Variants in DSCAML1 observed in about 807,000 individuals in gnomAD.
DSCAML1 encodes DS cell adhesion molecule like 1, also known as cell adhesion molecule DSCAML1.
Under a neutral mutation model 200.5 loss-of-function variants are expected in DSCAML1, and 38 were observed. That is an observed-to-expected ratio of 0.19 (90% confidence interval 0.15 to 0.25). DSCAML1 has a LOEUF of 0.25. DSCAML1 is among the 10% of genes least tolerant of loss of function. The probability of loss-of-function intolerance (pLI) is 1.00; values close to 1 mark genes in which losing one functional copy is unlikely to be tolerated. For missense variants in DSCAML1, 2,223 were observed against 2,858.8 expected (o/e 0.78, Z 5.07); for synonymous variants, 1,215 against 1,165.0 (o/e 1.04, Z -0.87).
chr11:117,768,570 A>T (rs1388965131), intron 3 of DSCAML1, among the ~76,000 whole-genome samples: 1 of 152,214 alleles, frequency 6.6e-6, no homozygotes, highest in Admixed American at 6.5e-5. Context: ...AAGGTTGGAC[A>T]ACTGCATGAA....
chr11:117,569,948 A>G (rs762706153), intron 3 of DSCAML1, among the ~76,000 whole-genome samples: 12 of 152,234 alleles, frequency 7.9e-5, no homozygotes, highest in Admixed American at 1.3e-4. Context: ...GATGTGAATG[A>G]GAAATAAACT....
chr11:117,644,138 G>A (rs1247075557), intron 3 of DSCAML1, among the ~76,000 whole-genome samples: 1 of 152,188 alleles, frequency 6.6e-6, no homozygotes, highest in Non-Finnish European at 1.5e-5. Flanking sequence ...CCGCCCGGTC[G>A]GCCTGCCCCT....
chr11:117,709,127 T>C (rs1382906062), intron 3 of DSCAML1, among the ~76,000 whole-genome samples: 1 of 152,240 alleles, frequency 6.6e-6, no homozygotes, highest in Non-Finnish European at 1.5e-5. Context: ...GGTATGAAAC[T>C]AAAGGACCTC....
At chr11:117,685,454 C>T (rs1425065670) in intron 3 of DSCAML1, among the ~76,000 whole-genome samples, 1 of 152,188 alleles carries the variant, frequency 6.6e-6, no homozygotes, top group Admixed American at 6.5e-5. Context: ...GGGTCATGGG[C>T]AGGGCATGCA....
intron 3 of DSCAML1, chr11:117,611,893 T>C (rs1052053959): frequency 6.6e-6 from 1 of 152,220 alleles, no homozygotes; most frequent in East Asian, 1.9e-4. Flanking sequence ...GAATTTAACC[T>C]TGTTCACTGT....
chr11:117,584,328 G>C (rs2051102980), intron 3 of DSCAML1, among the ~76,000 whole-genome samples: 1 of 152,140 alleles, frequency 6.6e-6, no homozygotes, highest in Admixed American at 6.5e-5. Flanking sequence ...CCACCACCGG[G>C]ATACAGTCCT....
chr11:117,627,005 T>C, intron 3 of DSCAML1, among the ~76,000 whole-genome samples: 1 of 152,198 alleles, frequency 6.6e-6, no homozygotes, highest in East Asian at 1.9e-4. Context: ...GACTTTACAT[T>C]CAGGAAGCTT....
At chr11:117,583,229 T>C (rs1565805767) in intron 3 of DSCAML1, among the ~76,000 whole-genome samples, 1 of 151,942 alleles carries the variant, frequency 6.6e-6, no homozygotes, top group Non-Finnish European at 1.5e-5. Flanking sequence ...GCAGCTTCCC[T>C]TACCAGCCAC....
chr11:117,652,826 G>T (rs2052661531), intron 3 of DSCAML1, among the ~76,000 whole-genome samples: 1 of 152,118 alleles, frequency 6.6e-6, no homozygotes, highest in Non-Finnish European at 1.5e-5. Flanking sequence ...TCCCTGGCTT[G>T]GCATGGTCTT....
intron 3 of DSCAML1, among the ~76,000 whole-genome samples, chr11:117,626,209 C>G (rs954443935): frequency 7.2e-6 from 1 of 139,754 alleles, no homozygotes; most frequent in Admixed American, 7.2e-5. Context: ...ACCCCCCCCC[C>G]TCCTTCTTCT....
At chr11:117,450,415 C>G (rs903673347) in intron 20 of DSCAML1, 134 bp downstream of exon 20, 10 of 1,297,344 alleles carry the variant, frequency 7.7e-6, no homozygotes, top group Non-Finnish European at 9.5e-6. Flanking sequence ...TGGCCAGTCC[C>G]CATTCTTATC....
chr11:117,551,098 C>T (rs1408557829), intron 3 of DSCAML1, among the ~76,000 whole-genome samples: 4 of 152,192 alleles, frequency 2.6e-5, no homozygotes, highest in Admixed American at 2.6e-4. Flanking sequence ...TTGCGTTATC[C>T]TCTAATTAAC....
chr11:117,804,570 T>C (rs2055693571), intron 1 of DSCAML1, among the ~76,000 whole-genome samples: 1 of 152,238 alleles, frequency 6.6e-6, no homozygotes, highest in Admixed American at 6.5e-5. Flanking sequence ...ACGTATCTTT[T>C]TTCTTTTCTG....
rs1164167047 is a variant in DSCAML1 at position 117,516,030 on chromosome 11, CA to C, written c.1783+436del. Among the ~76,000 whole-genome samples, 2 of 152,128 alleles carry C rather than the reference CA, an allele frequency of 1.3e-5. No homozygotes were observed. Among genetic ancestry groups the C allele is most frequent in the Admixed American group, 6.5e-5 (1 of 15,276 alleles). On this transcript the variant is annotated intron_variant, in intron 8 of 32. Coordinates refer to ENST00000651296, the MANE Select transcript of DSCAML1 (RefSeq NM_020693.4). This position sits in a 1 kb window ranked among gnomAD's most constrained non-coding sequence, Gnocchi z 5.7. Reference sequence around the variant, plus strand: ...AGCAGCCTGGGTACTGTGTATCCCACAGGGGGTCAGGGCTCCCAGCGTGCTC... The same window carrying C: ...AGCAGCCTGGGTACTGTGTATCCCACGGGGGTCAGGGCTCCCAGCGTGCTC...
At chr11:117,544,456 G>T (rs1272098620) in intron 3 of DSCAML1, among the ~76,000 whole-genome samples, 1 of 152,184 alleles carries the variant, frequency 6.6e-6, no homozygotes, top group East Asian at 1.9e-4. Context: ...GCGGGAATTA[G>T]CTCCTGCCTG....
rs757481843 is a variant in DSCAML1 at position 117,467,193 on chromosome 11, A to ACCCCCCCCCCCCCCC, written c.3025-2012_3025-2011insGGGGGGGGGGGGGGG. Among the ~76,000 whole-genome samples, 32 of 109,508 alleles carry ACCCCCCCCCCCCCCC rather than the reference A, an allele frequency of 2.9e-4. 1 individual carries two copies. Among genetic ancestry groups the ACCCCCCCCCCCCCCC allele is most frequent in the African/African-American group, 6.6e-4 (15 of 22,558 alleles). 71.8% of individuals were successfully genotyped at this position (109,508 alleles called of 152,430 possible). On this transcript the variant is annotated intron_variant, in intron 16 of 32. Transcript: ENST00000651296. Reference sequence around the variant, plus strand: ...CGCGCACGCATGCGCGTGCACACACACCTCCCCCCTCCCCCCGCCGCCAAT... The same window carrying ACCCCCCCCCCCCCCC: ...CGCGCACGCATGCGCGTGCACACACACCCCCCCCCCCCCCCCCTCCCCCCTCCCCCCGCCGCCAAT...
intron 3 of DSCAML1, among the ~76,000 whole-genome samples, chr11:117,670,477 T>C (rs528164980): frequency 3.9e-4 from 60 of 152,000 alleles, no homozygotes; most frequent in African/African-American, 1.3e-3. Context: ...AGGTGTGACA[T>C]AATGGGGAGG....
chr11:117,459,585 A>G (rs1343994682), intron 18 of DSCAML1, among the ~76,000 whole-genome samples: 2 of 152,076 alleles, frequency 1.3e-5, no homozygotes, highest in Non-Finnish European at 1.5e-5. Flanking sequence ...GGGCTGGGAC[A>G]CTCCTGAGGC....
chr11:117,482,281 A>C, intron 11 of DSCAML1, 119 bp from the exon 12 acceptor site: 1 of 1,206,960 alleles, frequency 8.3e-7, no homozygotes, highest in Non-Finnish European at 1.2e-6. Context: ...GGCTCCAATA[A>C]AGGAGTACAG....
Sources: gnomAD v4.1 joint callset for allele counts (sites outside exome capture counted in the v4.1 genomes callset) on GRCh38, gnomAD v4.1.1 for gene constraint, Gnocchi (gnomAD v3.1) non-coding constraint, MANE v1.5 for transcripts, NCBI Gene and HGNC (gene_info 2026-07-23, HGNC 2026-07-21) for gene names.